The following CD109 variants were observed in gnomAD, a reference collection of about 807,000 sequenced individuals.
CD109 encodes the protein CD109 antigen.
In CD109, 149 loss-of-function variants were observed where a neutral mutation model predicts 165.8. The observed-to-expected ratio is 0.90, with a 90% CI of 0.79 to 1.03. The LOEUF (loss-of-function observed/expected upper bound fraction) is 1.03. Among genes scored for constraint, CD109 ranks in the 50% least tolerant of loss-of-function variants. The pLI is 0.00. For missense variants in CD109, 1,712 were observed against 1,677.8 expected (o/e 1.02, Z -0.36); for synonymous variants, 585 against 592.1 (o/e 0.99, Z 0.18).
Position 73,807,957 on chromosome 6 carries a change from T to G in CD109, c.3190-126T>G, listed in dbSNP as rs2882694. 0.63 allele frequency: 447,837 copies of G among 712,484 alleles called. 141,563 individuals are homozygous for G. Among genetic ancestry groups the G allele is most frequent in the African/African-American group, 0.69 (37,932 of 55,188 alleles). The allele number at this position is 712,484 out of a possible 1,614,324, so 44.1% of individuals were successfully genotyped here. Reference sequence around the variant, plus strand: ...ATCATGGTTGATTTTCATTGCCTAGTACAAGGTCAGGTACTTCATAGACAC... The same window carrying G: ...ATCATGGTTGATTTTCATTGCCTAGGACAAGGTCAGGTACTTCATAGACAC... On this transcript the variant is annotated intron_variant, in intron 25 of 32. Coordinates refer to ENST00000287097, the MANE Select transcript of CD109 (RefSeq NM_133493.5).
At position 73,736,456 on chromosome 6, in the gene CD109, AG is replaced by A. The variant is rs1397718363; in HGVS notation, c.582del (p.Gln194HisfsTer17). 1 of 1,613,794 alleles carries A rather than the reference AG, an allele frequency of 6.2e-7. No individual in the cohort carries two copies. Among genetic ancestry groups the A allele is most frequent in the Non-Finnish European group, 8.5e-7 (1 of 1,179,854 alleles). On this transcript the variant is annotated frameshift_variant, in exon 5 of 33. Transcript: ENST00000287097. LOFTEE classifies it high-confidence loss of function. ...CTTGGAGTCATTTCCAAAACTTTTC[AG>A]CTATCTTCCCATCCAATACTTGGTG... ...SDLGVISKTF[Q>X]LSSHPILGDW...
intron 5 of CD109, among the ~76,000 whole-genome samples, chr6:73,750,579 A>C (rs1773151643): frequency 6.6e-6 from 1 of 152,184 alleles, no homozygotes; most frequent in South Asian, 2.1e-4. Context: ...AAGAGCAATA[A>C]AGCGCATAAA....
At chr6:73,805,331 G>C (rs1436662870) in intron 24 of CD109, among the ~76,000 whole-genome samples, 4 of 152,182 alleles carry the variant, frequency 2.6e-5, no homozygotes, top group Admixed American at 2.6e-4. Flanking sequence ...TAAGTGCTGT[G>C]CTTTAGATAT....
chr6:73,785,409 T>G lies in CD109; in HGVS notation c.2269T>G (p.Ser757Ala). Reference sequence around the variant, plus strand: ...TTTCATTTTTTTGAATCTTCCCTACTCTGTTATCAGAGGTGAAGAATTTGC... The same window carrying G: ...TTTCATTTTTTTGAATCTTCCCTACGCTGTTATCAGAGGTGAAGAATTTGC... The part of the protein sequence containing the change: ...PFFIFLNLPY[S>A]VIRGEEFALE... Residue 757 changes from serine to alanine, a missense_variant, in exon 20 of 33, where the codon TCT becomes GCT. Ser to Ala is a moderately conservative substitution (Grantham distance 99, BLOSUM62 1). Coordinates refer to ENST00000287097, the MANE Select transcript of CD109 (RefSeq NM_133493.5). 1 of 1,610,068 alleles carries G rather than the reference T, an allele frequency of 6.2e-7. No individual in the cohort carries two copies. The highest frequency in any genetic ancestry group is 1.1e-5 in the South Asian group (1 of 89,996).
chr6:73,750,650 G>A (rs1582100669), intron 5 of CD109, among the ~76,000 whole-genome samples: 1 of 152,170 alleles, frequency 6.6e-6, no homozygotes, highest in African/African-American at 2.4e-5. Context: ...TACAACTTCT[G>A]TTCCTAAGAA....
Position 73,811,148 on chromosome 6 carries a change from G to C in CD109, c.3702+1G>C. 1 of 1,611,560 alleles carries C rather than the reference G, an allele frequency of 6.2e-7. No individual in the cohort carries two copies. Among genetic ancestry groups the C allele is most frequent in the Non-Finnish European group, 8.5e-7 (1 of 1,178,944 alleles). The stretch of plus-strand genomic sequence containing the variant: ...CCGCTTACTCCTTCAGACAGCAGAG[G>C]TGTGGGCAAGGGGCAGTTATTTAAA... On this transcript the variant is annotated splice_donor_variant, in intron 28 of 32. Coordinates refer to ENST00000287097, the MANE Select transcript of CD109 (RefSeq NM_133493.5). LOFTEE classifies it high-confidence loss of function.
At chr6:73,757,130 C>T (rs968300500) in intron 6 of CD109, among the ~76,000 whole-genome samples, 4 of 152,114 alleles carry the variant, frequency 2.6e-5, no homozygotes, top group African/African-American at 7.2e-5. Flanking sequence ...TGGGACCCAT[C>T]TATTTTGTTG....
chr6:73,729,750 G>A (rs762006440), intron 3 of CD109, among the ~76,000 whole-genome samples: 1 of 151,996 alleles, frequency 6.6e-6, no homozygotes, highest in African/African-American at 2.4e-5. Flanking sequence ...CTGACCTCAG[G>A]TGATCTGCCT....
chr6:73,795,497 G>A (rs1355538834), intron 23 of CD109, among the ~76,000 whole-genome samples: 3 of 152,146 alleles, frequency 2.0e-5, no homozygotes. Context: ...TCCTGGCCAG[G>A]TAGGTGGCCA....
intron 2 of CD109, among the ~76,000 whole-genome samples, chr6:73,711,466 G>GT (rs959633698): frequency 7.9e-5 from 12 of 151,450 alleles, no homozygotes; most frequent in African/African-American, 2.9e-4. Context: ...TTACCCAATA[G>GT]TTTTTTTGCC....
At chr6:73,818,013 T>G (rs1775996331) in intron 30 of CD109, among the ~76,000 whole-genome samples, 1 of 152,194 alleles carries the variant, frequency 6.6e-6, no homozygotes. Flanking sequence ...AGTTTGGTGC[T>G]GTCAACTTTT....
At position 73,810,118 on chromosome 6, in the gene CD109, A is replaced by G. The variant is rs200866355; in HGVS notation, c.3490A>G (p.Ile1164Val). The change falls in exon 27 of 33, where the codon ATT becomes GTT. Residue 1164 changes from isoleucine (I) to valine (V), a missense_variant. Ile to Val is a conservative substitution (Grantham distance 29, BLOSUM62 3). Transcript: ENST00000287097. Reference sequence around the variant, plus strand: ...ATTTCAGACTTCTGAGGGAATCCCAATTATGAGGTGGCTAAGCAGGCAAAG... The same window carrying G: ...ATTTCAGACTTCTGAGGGAATCCCAGTTATGAGGTGGCTAAGCAGGCAAAG... ...LQFQTSEGIP[I>V]MRWLSRQRNS... is the part of the protein sequence containing the mutation. The G allele has an allele frequency of 2.4e-5, 39 of 1,608,002 alleles. No individual in the cohort carries two copies. The highest frequency in any genetic ancestry group is 3.0e-5 in the Non-Finnish European group (35 of 1,178,276).
intron 4 of CD109, 127 bp downstream of exon 4, chr6:73,730,701 A>G (rs2150180253): frequency 1.5e-6 from 1 of 647,508 alleles, no homozygotes; most frequent in East Asian, 2.7e-5. Flanking sequence ...CCCTCCCAAC[A>G]TGGAACTCCT....
In CD109 at chr6:73,806,956, G is replaced by T. The variant is rs368124542; in HGVS notation, c.3073G>T (p.Gly1025Cys). Residue 1025 changes from glycine (G) to cysteine (C), a missense_variant, in exon 25 of 33, where the codon GGT (glycine) becomes TGT (cysteine). Transcript: ENST00000287097. ...TWLKGHQKSN[G>C]EFWDPGRVIH... ...GCTTAAAGGACATCAGAAATCCAAC[G>T]GTGAATTTTGGGATCCAGGAAGAGT... 1 of 1,613,938 alleles carries T rather than the reference G, an allele frequency of 6.2e-7. No homozygotes were observed. The highest frequency in any genetic ancestry group is 1.1e-5 in the South Asian group (1 of 91,070).
chr6:73,733,883 A>C (rs1772452744), intron 4 of CD109, among the ~76,000 whole-genome samples: 1 of 151,942 alleles, frequency 6.6e-6, no homozygotes, highest in Non-Finnish European at 1.5e-5. Flanking sequence ...CAGGGAGCTT[A>C]CTGCTTGAGA....
chr6:73,787,597 C>A, intron 21 of CD109, 145 bp downstream of exon 21: 1 of 601,454 alleles, frequency 1.7e-6, no homozygotes, highest in Non-Finnish European at 2.9e-6. Context: ...ACTTTCTAAT[C>A]TGTATGTAAA....
At chr6:73,768,371 C>T in intron 14 of CD109, 140 bp downstream of exon 14, 2 of 597,154 alleles carry the variant, frequency 3.3e-6, no homozygotes, top group Non-Finnish European at 5.8e-6. Context: ...TATGGTTAAA[C>T]TTTTCAATAT....
At chr6:73,794,470 C>T (rs1009610371) in intron 23 of CD109, among the ~76,000 whole-genome samples, 1 of 152,014 alleles carries the variant, frequency 6.6e-6, no homozygotes, top group African/African-American at 2.4e-5. Flanking sequence ...GAAGGAGGCA[C>T]CAAAGGTTAG....
At chr6:73,814,408 T>A (rs1187283449) in intron 29 of CD109, among the ~76,000 whole-genome samples, 1 of 152,116 alleles carries the variant, frequency 6.6e-6, no homozygotes, top group Non-Finnish European at 1.5e-5. Flanking sequence ...GCTCTCCCAG[T>A]GTGTCTACGG....
Sources: gnomAD v4.1 joint callset for allele counts (sites outside exome capture counted in the v4.1 genomes callset) on GRCh38, gnomAD v4.1.1 for gene constraint, MANE v1.5 for transcripts, NCBI Gene and HGNC (gene_info 2026-07-23, HGNC 2026-07-21) for gene names.